The following GRIK2 variants were observed in gnomAD, a reference collection of about 807,000 sequenced individuals.
The protein encoded by GRIK2 is glutamate ionotropic receptor kainate type subunit 2.
GRIK2 carries 32 observed loss-of-function variants against 100.3 expected under a neutral mutation model. That is an observed-to-expected ratio of 0.32 (90% confidence interval 0.24 to 0.43). The LOEUF is 0.43. Among genes scored for constraint, GRIK2 ranks in the 20% least tolerant of loss-of-function variants. The pLI is 1.00. For synonymous variants in GRIK2, 417 were observed against 389.4 expected, an observed-to-expected ratio of 1.07 and a Z score of -0.83; for missense variants, 843 against 1,114.9, an observed-to-expected ratio of 0.76 and a Z score of 3.47.
At chr6:101,787,346 A>T (rs956839080) in intron 7 of GRIK2, among the ~76,000 whole-genome samples, 3 of 151,308 alleles carry the variant, frequency 2.0e-5, no homozygotes, top group East Asian at 3.9e-4. Flanking sequence ...TTCTACTAAT[A>T]CTAGGTTTGA....
intron 2 of GRIK2, among the ~76,000 whole-genome samples, chr6:101,464,851 G>A (rs567938171): frequency 6.6e-6 from 1 of 151,950 alleles, no homozygotes; most frequent in Non-Finnish European, 1.5e-5. Context: ...ACTTTGTGGT[G>A]GATTTTTCGA....
chr6:101,799,708 C>G lies in GRIK2; in HGVS notation c.1012C>G (p.Pro338Ala), dbSNP rs759008068. 9 of 1,612,608 alleles carry G rather than the reference C, an allele frequency of 5.6e-6. No individual in the cohort carries two copies. Among genetic ancestry groups the G allele is most frequent in the Admixed American group, 1.7e-5 (1 of 59,918 alleles). Residue 338 changes from proline to alanine, a missense_variant, in exon 8 of 17, where the codon CCC (proline) becomes GCC (alanine). Transcript: ENST00000369134. ...HVVSVAVQQF[P>A]QMTVSSLQCN... is the part of the protein sequence containing the mutation. Reference sequence around the variant, plus strand: ...GGTGTCTGTGGCCGTTCAACAGTTTCCCCAGATGACAGTCAGTTCCTTGCA... The same window carrying G: ...GGTGTCTGTGGCCGTTCAACAGTTTGCCCAGATGACAGTCAGTTCCTTGCA...
chr6:101,859,541 G>A (rs368822741), intron 11 of GRIK2, 48 bp downstream of exon 11: 3 of 1,072,154 alleles, frequency 2.8e-6, no homozygotes, highest in African/African-American at 3.1e-5. Flanking sequence ...TTGCTACAAG[G>A]TTTACTCTTT....
rs60158757 is a variant in GRIK2, at chr6:101,565,935, GTATA to G, written c.116-55993_116-55990del. Among the ~76,000 whole-genome samples, 478 of 109,480 alleles carry G rather than the reference GTATA, an allele frequency of 4.4e-3. 3 individuals carry two copies. The highest frequency in any genetic ancestry group is 7.9e-3 in the South Asian group (29 of 3,670). The allele number at this position is 109,480 out of a possible 152,430, so 71.8% of individuals were successfully genotyped here. On this transcript the variant is annotated intron_variant, in intron 2 of 16. Coordinates refer to ENST00000369134, the MANE Select transcript of GRIK2 (RefSeq NM_021956.5). The stretch of plus-strand genomic sequence containing the variant: ...CTATTTTATATATATATATATATGT[GTATA>G]TATATATATATATATATATAAGCAA...
intron 14 of GRIK2, chr6:101,993,658 A>G (rs1413420625): frequency 6.6e-6 from 1 of 150,470 alleles, no homozygotes; most frequent in East Asian, 2.0e-4. Flanking sequence ...AAATTTTAAA[A>G]TTCCTGATTC....
At chr6:101,790,974 G>C (rs1003913552) in intron 7 of GRIK2, among the ~76,000 whole-genome samples, 1 of 152,114 alleles carries the variant, frequency 6.6e-6, no homozygotes, top group Admixed American at 6.6e-5. Flanking sequence ...ATTTCTTCTA[G>C]ATTTTCTAGT....
intron 7 of GRIK2, among the ~76,000 whole-genome samples, chr6:101,775,974 T>C (rs1778722741): frequency 6.6e-6 from 1 of 152,146 alleles, no homozygotes; most frequent in Non-Finnish European, 1.5e-5. Flanking sequence ...TAATTTGTAA[T>C]AAAATCTCTC....
chr6:101,946,353 A>T (rs1434771148), intron 14 of GRIK2, among the ~76,000 whole-genome samples: 1 of 151,882 alleles, frequency 6.6e-6, no homozygotes, highest in African/African-American at 2.4e-5. Flanking sequence ...CTGGGCAACA[A>T]CCCCCATCTT....
At chr6:101,522,149 A>T (rs928381251) in intron 2 of GRIK2, among the ~76,000 whole-genome samples, 1 of 152,142 alleles carries the variant, frequency 6.6e-6, no homozygotes, top group African/African-American at 2.4e-5. Flanking sequence ...CGTTACTTAC[A>T]TGCTTTAGCA....
At chr6:101,404,866 CA>C (rs1775513720) in intron 2 of GRIK2, among the ~76,000 whole-genome samples, 1 of 152,120 alleles carries the variant, frequency 6.6e-6, no homozygotes, top group African/African-American at 2.4e-5. Context: ...AGTAGGTGCA[CA>C]TCATCATTAT....
At chr6:101,583,621 C>G (rs1281355764) in intron 2 of GRIK2, among the ~76,000 whole-genome samples, 8 of 152,104 alleles carry the variant, frequency 5.3e-5, no homozygotes, top group Middle Eastern at 6.8e-3. Context: ...ATGAAAAAAA[C>G]CTATGATTTT....
At chr6:101,884,536 A>G (rs1485133895) in intron 11 of GRIK2, among the ~76,000 whole-genome samples, 1 of 152,140 alleles carries the variant, frequency 6.6e-6, no homozygotes, top group African/African-American at 2.4e-5. Context: ...ATGCTTTGTT[A>G]TCTAATTTTT....
chr6:101,755,161 G>GTTTTTTT (rs1157640683), intron 7 of GRIK2, among the ~76,000 whole-genome samples: 31 of 102,944 alleles, frequency 3.0e-4, no homozygotes, highest in South Asian at 3.8e-4. Flanking sequence ...TTTCTTTTTG[G>GTTTTTTT]TTTTTTTTTT....
At chr6:101,754,632 A>C (rs1230600321) in intron 7 of GRIK2, among the ~76,000 whole-genome samples, 1 of 152,214 alleles carries the variant, frequency 6.6e-6, no homozygotes, top group African/African-American at 2.4e-5. Flanking sequence ...ACTATCCATA[A>C]AATGTGATGA....
At chr6:101,906,009 G>T (rs1350671364) in intron 12 of GRIK2, among the ~76,000 whole-genome samples, 1 of 151,596 alleles carries the variant, frequency 6.6e-6, no homozygotes, top group African/African-American at 2.4e-5. Context: ...ACTAAAAATA[G>T]TTTGATTTTC....
rs1190800892 is a variant in GRIK2 at position 101,417,624 on chromosome 6, C to G, written c.115+18232C>G. On this transcript the variant is annotated intron_variant, in intron 2 of 16. Coordinates refer to ENST00000369134, the MANE Select transcript of GRIK2 (RefSeq NM_021956.5). ...TAAATCTTAATCACTCCACCTCCCC[C>G]TAAAAGGATGTGGGCGTAGAATTAC... is the stretch of plus-strand genomic sequence containing the variant. Among the ~76,000 whole-genome samples the G allele has an allele frequency of 2.0e-5, 3 of 152,204 alleles. No homozygotes were observed. The East Asian group carries it at 5.8e-4, about 29-fold the overall frequency.
chr6:101,850,166 G>A (rs1208404387), intron 10 of GRIK2, among the ~76,000 whole-genome samples: 3 of 151,954 alleles, frequency 2.0e-5, no homozygotes, highest in African/African-American at 4.8e-5. Context: ...ATGAAGCAAA[G>A]TAGACGTGTA....
At position 101,818,394 on chromosome 6, in the gene GRIK2, G is replaced by A; in HGVS notation, c.1228G>A (p.Gly410Ser). The change falls in exon 10 of 17, where the codon GGC becomes AGC. Residue 410 changes from glycine to serine, a missense_variant. This residue lies in a region of GRIK2 where 519 missense variants were observed against 643.8 expected (regional missense o/e 0.81). Coordinates refer to ENST00000369134, the MANE Select transcript of GRIK2 (RefSeq NM_021956.5). ...GATTGGAACGTGGGATCCAGCCAGT[G>A]GCCTGAATATGACAGAAAGTCAAAA... The part of the protein sequence containing the change: ...EKIGTWDPAS[G>S]LNMTESQKGK... 6.2e-7 allele frequency: 1 copy of A among 1,607,070 alleles called. No homozygotes were observed. The highest frequency in any genetic ancestry group is 8.5e-7 in the Non-Finnish European group (1 of 1,173,708).
At chr6:101,626,943 TAC>T (rs969904579) in intron 4 of GRIK2, among the ~76,000 whole-genome samples, 1 of 151,798 alleles carries the variant, frequency 6.6e-6, no homozygotes, top group African/African-American at 2.4e-5. Flanking sequence ...GATAGATAGA[TAC>T]ACACACACGT....
Sources: allele counts gnomAD v4.1 joint callset (sites outside exome capture counted in the v4.1 genomes callset), GRCh38; gene constraint gnomAD v4.1.1; regional missense constraint gnomAD v4.1.1; transcripts MANE v1.5; gene names NCBI Gene and HGNC (gene_info 2026-07-23, HGNC 2026-07-21).